KCNMA1: variants seen among roughly 807,000 people sequenced by gnomAD.
KCNMA1 encodes the protein potassium calcium-activated channel subfamily M alpha 1.
KCNMA1 carries 29 observed loss-of-function variants against 140.0 expected under a neutral mutation model. The observed-to-expected ratio is 0.21, with a 90% CI of 0.15 to 0.28. The LOEUF (loss-of-function observed/expected upper bound fraction) is 0.28, where lower values mean the gene tolerates loss of function less well. KCNMA1 is among the 10% of genes least tolerant of loss of function. KCNMA1 has a pLI of 1.00. For missense variants in KCNMA1, 880 were observed against 1,602.2 expected, an observed-to-expected ratio of 0.55 and a Z score of 7.70; for synonymous variants, 612 against 611.9, an observed-to-expected ratio of 1.00 and a Z score of 0.00.
intron 1 of KCNMA1, among the ~76,000 whole-genome samples, chr10:77,509,119 G>T (rs1056335213): frequency 5.3e-5 from 8 of 151,776 alleles, no homozygotes. Flanking sequence ...TGTTGTTGTT[G>T]TTGTTGTTGT....
At chr10:77,420,700 G>T (rs35796) in intron 1 of KCNMA1, among the ~76,000 whole-genome samples, 2,864 of 152,116 alleles carry the variant, frequency 0.019, 43 homozygotes, top group South Asian at 0.049. Flanking sequence ...ATATATCAGG[G>T]TCCAAGAGCA....
chr10:76,917,074 G>A (rs531706082), intron 23 of KCNMA1, among the ~76,000 whole-genome samples: 14 of 152,170 alleles, frequency 9.2e-5, no homozygotes, highest in Admixed American at 6.5e-4. Flanking sequence ...CCAAAAACAC[G>A]CATTTTTAAA....
intron 5 of KCNMA1, among the ~76,000 whole-genome samples, chr10:77,174,251 C>T (rs571133265): frequency 6.6e-6 from 1 of 152,242 alleles, no homozygotes; most frequent in East Asian, 1.9e-4. Flanking sequence ...TTCATGATTT[C>T]TCTAGCATTT....
chr10:77,456,038 G>A (rs1035889760), intron 1 of KCNMA1, among the ~76,000 whole-genome samples: 2 of 152,196 alleles, frequency 1.3e-5, no homozygotes, highest in African/African-American at 4.8e-5. Flanking sequence ...AAATTCAGCT[G>A]TAGCTTCCAG....
chr10:77,162,832 C>A (rs2098580177), intron 5 of KCNMA1, among the ~76,000 whole-genome samples: 1 of 152,186 alleles, frequency 6.6e-6, no homozygotes, highest in Non-Finnish European at 1.5e-5. Flanking sequence ...AAAGTTTTAT[C>A]TAGAAATCTC....
rs544429512 is a variant in KCNMA1 at position 76,916,385 on chromosome 10, G to A, written c.2903-1336C>T. 3.7e-4 allele frequency among the ~76,000 whole-genome samples: 56 copies of A among 152,278 alleles called. 2 individuals are homozygous for A. In the South Asian group the frequency reaches 0.01, roughly 28 times the overall value. ...GTTTAGTGAGAGTGAGAAATATCCC[G>A]GCTAGGCAGAATGTCTGCCTCGTTA... On this transcript the variant is annotated intron_variant, in intron 23 of 27. Coordinates refer to ENST00000286628, the MANE Select transcript of KCNMA1 (RefSeq NM_001161352.2).
At chr10:77,485,338 G>C (rs1039047762) in intron 1 of KCNMA1, among the ~76,000 whole-genome samples, 19 of 152,152 alleles carry the variant, frequency 1.2e-4, no homozygotes, top group Admixed American at 1.2e-3. Flanking sequence ...GGATAGTTTT[G>C]TGCATCCCAC....
chr10:77,333,119 T>G (rs1260356187), intron 2 of KCNMA1, among the ~76,000 whole-genome samples: 1 of 152,072 alleles, frequency 6.6e-6, no homozygotes, highest in African/African-American at 2.4e-5. Flanking sequence ...TGCCAGCCCA[T>G]TCGAGAAGGC....
intron 2 of KCNMA1, chr10:77,315,611 C>G (rs1281685223): frequency 1.3e-5 from 2 of 152,168 alleles, no homozygotes; most frequent in Non-Finnish European, 2.9e-5. Flanking sequence ...ATCCAACTTG[C>G]ATAATTGTCC....
At chr10:77,152,643 T>C (rs1207828535) in intron 5 of KCNMA1, among the ~76,000 whole-genome samples, 2 of 152,118 alleles carry the variant, frequency 1.3e-5, no homozygotes, top group Admixed American at 1.3e-4. Flanking sequence ...TGGTCACTGG[T>C]TGAGGAGGCA....
At chr10:76,891,932 T>TA (rs1351211649) in intron 25 of KCNMA1, among the ~76,000 whole-genome samples, 3 of 152,180 alleles carry the variant, frequency 2.0e-5, no homozygotes, top group Non-Finnish European at 2.9e-5. Context: ...CAGCCTGACT[T>TA]AAAAAACCCA....
intron 3 of KCNMA1, among the ~76,000 whole-genome samples, chr10:77,211,959 A>G (rs1484396840): frequency 6.6e-6 from 1 of 152,236 alleles, no homozygotes; most frequent in Non-Finnish European, 1.5e-5. Context: ...GATGCTGGCA[A>G]GGCTGCGGAG....
At position 77,108,128 on chromosome 10, in the gene KCNMA1, G is replaced by A. The variant is rs1007983049; in HGVS notation, c.1223+353C>T. 1.7e-4 allele frequency among the ~76,000 whole-genome samples: 26 copies of A among 152,122 alleles called. No homozygotes were observed. Among genetic ancestry groups the A allele is most frequent in the Non-Finnish European group, 7.3e-5 (5 of 68,032 alleles). ...TGGGAGTTGGTCCAAGCGTGGCAAC[G>A]TCCTCGGGTCACCTCTGACATCACA... On this transcript the variant is annotated intron_variant, in intron 9 of 27. Coordinates refer to ENST00000286628, the MANE Select transcript of KCNMA1 (RefSeq NM_001161352.2). This position sits in a 1 kb window ranked among gnomAD's most constrained non-coding sequence, Gnocchi z 4.6.
intron 21 of KCNMA1, among the ~76,000 whole-genome samples, chr10:76,950,027 G>A (rs1369568210): frequency 6.6e-6 from 1 of 152,124 alleles, no homozygotes; most frequent in East Asian, 1.9e-4. Flanking sequence ...AGAAGACAAT[G>A]TCATAATCTG....
rs80078583 is a variant in KCNMA1 at position 77,045,868 on chromosome 10, T to A, written c.1750-6231A>T. ...TGTGTTGATTACAGCCAAATAATCT[T>A]GCAAAAGTCCACCTCTACCCGTGAA... is the stretch of plus-strand genomic sequence containing the variant. On this transcript the variant is annotated intron_variant, in intron 14 of 27. Coordinates refer to ENST00000286628, the MANE Select transcript of KCNMA1 (RefSeq NM_001161352.2). Among the ~76,000 whole-genome samples, 1,011 of 152,334 alleles carry A rather than the reference T, an allele frequency of 6.6e-3. 12 individuals are homozygous for A. The highest frequency in any genetic ancestry group is 0.023 in the African/African-American group (976 of 41,580).
At chr10:77,038,669 A>G (rs937641814) in intron 15 of KCNMA1, among the ~76,000 whole-genome samples, 1 of 152,168 alleles carries the variant, frequency 6.6e-6, no homozygotes, top group Non-Finnish European at 1.5e-5. Context: ...CCTCTAGAGT[A>G]GCTAGGACCA....
chr10:77,199,152 T>C (rs769303697), intron 3 of KCNMA1, among the ~76,000 whole-genome samples: 1 of 152,192 alleles, frequency 6.6e-6, no homozygotes, highest in Non-Finnish European at 1.5e-5. Context: ...TTCTCTCTTA[T>C]AGATTAAAAA....
At chr10:77,625,943 T>A (rs1383120542) in intron 1 of KCNMA1, among the ~76,000 whole-genome samples, 1 of 152,194 alleles carries the variant, frequency 6.6e-6, no homozygotes, top group Non-Finnish European at 1.5e-5. Context: ...TTCCACCGCA[T>A]CTGTACCACT....
intron 1 of KCNMA1, among the ~76,000 whole-genome samples, chr10:77,463,412 G>A (rs1465494830): frequency 1.3e-5 from 2 of 152,132 alleles, no homozygotes; most frequent in Non-Finnish European, 2.9e-5. Flanking sequence ...CAAGGATACA[G>A]CATCAAGGAG....
Sources: allele counts gnomAD v4.1 joint callset (sites outside exome capture counted in the v4.1 genomes callset), GRCh38; gene constraint gnomAD v4.1.1; non-coding constraint Gnocchi (gnomAD v3.1); transcripts MANE v1.5; gene names NCBI Gene and HGNC (gene_info 2026-07-23, HGNC 2026-07-21).